CTNND2: variants seen among roughly 807,000 people sequenced by gnomAD.
CTNND2 encodes the protein catenin delta-2.
Under a neutral mutation model 144.4 loss-of-function variants are expected in CTNND2, and 22 were observed. That is an observed-to-expected ratio of 0.15 (90% confidence interval 0.11 to 0.22). CTNND2 has a LOEUF of 0.22. Among genes scored for constraint, CTNND2 ranks in the 10% least tolerant of loss-of-function variants. The pLI, the probability that CTNND2 is intolerant of heterozygous loss-of-function variation, is 1.00. For missense variants in CTNND2, 1,353 were observed against 1,618.8 expected, an observed-to-expected ratio of 0.84 and a Z score of 2.82; for synonymous variants, 751 against 695.6, an observed-to-expected ratio of 1.08 and a Z score of -1.25.
At chr5:11,703,887 G>A (rs1785571947) in intron 2 of CTNND2, among the ~76,000 whole-genome samples, 1 of 152,100 alleles carries the variant, frequency 6.6e-6, no homozygotes, top group South Asian at 2.1e-4. Context: ...TAGTTAAGAA[G>A]GTGCAAAGGA....
At chr5:11,076,026 T>C (rs1228292326) in intron 16 of CTNND2, among the ~76,000 whole-genome samples, 2 of 152,244 alleles carry the variant, frequency 1.3e-5, no homozygotes, top group Admixed American at 1.3e-4. Context: ...GTTATGAGCA[T>C]AGCAAAGTGC....
At chr5:11,131,641 T>C (rs992736502) in intron 12 of CTNND2, among the ~76,000 whole-genome samples, 11 of 151,958 alleles carry the variant, frequency 7.2e-5, no homozygotes, top group African/African-American at 2.4e-4. Flanking sequence ...TAAAAAAAAT[T>C]AGCCAGGCGT....
At chr5:11,593,669 T>C (rs1399758358) in intron 2 of CTNND2, among the ~76,000 whole-genome samples, 2 of 152,358 alleles carry the variant, frequency 1.3e-5, no homozygotes, top group South Asian at 2.1e-4. Context: ...CCTTCTGCCA[T>C]GTAAGACGTG....
intron 10 of CTNND2, among the ~76,000 whole-genome samples, chr5:11,223,382 G>A (rs1181062941): frequency 6.6e-6 from 1 of 152,200 alleles, no homozygotes; most frequent in Non-Finnish European, 1.5e-5. Flanking sequence ...AAGCTGAGTT[G>A]ACAGCCAGTT....
At chr5:11,489,047 G>GT (rs34664020) in intron 3 of CTNND2, among the ~76,000 whole-genome samples, 47,680 of 151,972 alleles carry the variant, frequency 0.31, 7,628 homozygotes, top group South Asian at 0.4. Flanking sequence ...GTAGACACAA[G>GT]TTTTCATTTC....
At chr5:11,865,096 T>C (rs1331208113) in intron 1 of CTNND2, among the ~76,000 whole-genome samples, 2 of 152,054 alleles carry the variant, frequency 1.3e-5, no homozygotes, top group East Asian at 3.9e-4. Flanking sequence ...GGTGTCTCTA[T>C]GTTGGTCAGG....
intron 9 of CTNND2, among the ~76,000 whole-genome samples, chr5:11,240,124 C>A (rs112458750): frequency 7.9e-4 from 112 of 142,054 alleles, no homozygotes; most frequent in Non-Finnish European, 1.1e-3. Flanking sequence ...ACACACACAC[C>A]CCCAACACAC....
At chr5:11,320,858 A>T (rs1751962642) in intron 9 of CTNND2, among the ~76,000 whole-genome samples, 1 of 152,176 alleles carries the variant, frequency 6.6e-6, no homozygotes, top group African/African-American at 2.4e-5. Context: ...CAAATTTCTA[A>T]AATAGGCCCT....
intron 16 of CTNND2, among the ~76,000 whole-genome samples, chr5:11,072,603 T>G (rs1380948528): frequency 2.6e-5 from 4 of 152,248 alleles, no homozygotes; most frequent in African/African-American, 9.6e-5. Flanking sequence ...GACATTTTCA[T>G]GAGGAGCTGT....
Position 11,295,565 on chromosome 5 carries a change from C to T in CTNND2, c.1628+50807G>A, listed in dbSNP as rs187885754. Among the ~76,000 whole-genome samples, 1,333 of 152,288 alleles carry T rather than the reference C, an allele frequency of 8.8e-3. 7 individuals carry two copies. Among genetic ancestry groups the T allele is most frequent in the Non-Finnish European group, 0.014 (919 of 68,026 alleles). On this transcript the variant is annotated intron_variant, in intron 9 of 21. Coordinates refer to ENST00000304623, the MANE Select transcript of CTNND2 (RefSeq NM_001332.4). Reference sequence around the variant, plus strand: ...AAAGAACAAAGCTGGAGGCATCACGCTACCTGACTTCAAAATATACTACAA... The same window carrying T: ...AAAGAACAAAGCTGGAGGCATCACGTTACCTGACTTCAAAATATACTACAA...
intron 10 of CTNND2, among the ~76,000 whole-genome samples, chr5:11,231,526 AAAAG>A (rs1209498436): frequency 1.3e-5 from 2 of 152,164 alleles, no homozygotes; most frequent in Non-Finnish European, 2.9e-5. Flanking sequence ...TATGCTTTAG[AAAAG>A]AGACTGGCAG....
intron 3 of CTNND2, among the ~76,000 whole-genome samples, chr5:11,521,338 G>A (rs1457954653): frequency 6.6e-6 from 1 of 152,096 alleles, no homozygotes; most frequent in Non-Finnish European, 1.5e-5. Flanking sequence ...TTATTCTTGG[G>A]CAAATTATTT....
At chr5:11,789,708 T>G (rs1423418956) in intron 1 of CTNND2, among the ~76,000 whole-genome samples, 1 of 152,152 alleles carries the variant, frequency 6.6e-6, no homozygotes, top group Non-Finnish European at 1.5e-5. Flanking sequence ...TCCAAATCTT[T>G]TTACCCCTGC....
intron 1 of CTNND2, among the ~76,000 whole-genome samples, chr5:11,823,020 T>C (rs1377167133): frequency 6.6e-6 from 1 of 152,202 alleles, no homozygotes; most frequent in African/African-American, 2.4e-5. Context: ...AATATTCAAT[T>C]GCCTGTTAAA....
chr5:11,133,041 C>G (rs6876115), intron 12 of CTNND2, among the ~76,000 whole-genome samples: 86,171 of 151,960 alleles, frequency 0.57, 24,534 homozygotes, highest in East Asian at 0.65. Context: ...AACAGACAAA[C>G]CATGTTTTTG....
chr5:11,011,365 C>T (rs1741062679), intron 18 of CTNND2, among the ~76,000 whole-genome samples: 1 of 152,090 alleles, frequency 6.6e-6, no homozygotes, highest in East Asian at 1.9e-4. Context: ...AGGCGGATTG[C>T]ACTGCCACAC....
At chr5:11,497,149 G>A (rs1319282885) in intron 3 of CTNND2, among the ~76,000 whole-genome samples, 1 of 152,016 alleles carries the variant, frequency 6.6e-6, no homozygotes, top group Admixed American at 6.6e-5. Flanking sequence ...TGTCTCTAAA[G>A]TGAGAAATTC....
intron 1 of CTNND2, among the ~76,000 whole-genome samples, chr5:11,776,712 T>G (rs1248503670): frequency 6.6e-6 from 1 of 152,154 alleles, no homozygotes; most frequent in African/African-American, 2.4e-5. Context: ...TTATCGATGC[T>G]TTATCGCAGG....
rs1254425372 is a variant in CTNND2, at chr5:11,598,689, T to A, written c.175-33633A>T. On this transcript the variant is annotated intron_variant, in intron 2 of 21. Transcript: ENST00000304623. Reference sequence around the variant, plus strand: ...GAAGATGAAGAGCTGGGAAAATATATCTTCTCCATGAAAACTGATGAAAAA... The same window carrying A: ...GAAGATGAAGAGCTGGGAAAATATAACTTCTCCATGAAAACTGATGAAAAA... 3.9e-5 allele frequency among the ~76,000 whole-genome samples: 6 copies of A among 152,218 alleles called. No homozygotes were observed. In the East Asian group the frequency reaches 1.2e-3, roughly 29 times the overall value.
Sources: gnomAD v4.1 joint callset for allele counts (sites outside exome capture counted in the v4.1 genomes callset) on GRCh38, gnomAD v4.1.1 for gene constraint, MANE v1.5 for transcripts, NCBI Gene and HGNC (gene_info 2026-07-23, HGNC 2026-07-21) for gene names.